The following PKD1L1 variants were observed in gnomAD, a reference collection of about 807,000 sequenced individuals.
PKD1L1 encodes the protein polycystin-1-like protein 1.
In PKD1L1, 236 loss-of-function variants were observed where a neutral mutation model predicts 323.4. The ratio of observed to expected loss-of-function variants is 0.73; its 90% CI spans 0.66 to 0.81. The LOEUF (loss-of-function observed/expected upper bound fraction) is 0.81, where lower values mean the gene tolerates loss of function less well. Among genes scored for constraint, PKD1L1 ranks in the 40% least tolerant of loss-of-function variants. The pLI, the probability that PKD1L1 is intolerant of heterozygous loss-of-function variation, is 0.00. For synonymous variants in PKD1L1, 1,344 were observed against 1,335.0 expected (o/e 1.01, Z -0.15); for missense variants, 3,320 against 3,508.0 (o/e 0.95, Z 1.35).
In PKD1L1 at chr7:47,876,042, G is replaced by A. The variant is rs1401359404; in HGVS notation, c.3784+55C>T. On this transcript the variant is annotated intron_variant, in intron 23 of 56. Transcript: ENST00000289672. ...TTAGTTTTTGAAAACCAGGAAAAAA[G>A]GTTTAGAACTGTAGGTTGGCACAGC... The A allele has an allele frequency of 3.2e-6, 5 of 1,579,240 alleles. No individual in the cohort carries two copies. In the Admixed American group the frequency reaches 7.2e-5, roughly 23 times the overall value.
At position 47,837,039 on chromosome 7, in the gene PKD1L1, A is replaced by C; in HGVS notation, c.5825T>G (p.Val1942Gly). ...YLEDFHVWLS[V>G]YSRPSSSRYL... is the part of the protein sequence containing the mutation. Reference sequence around the variant, plus strand: ...GCGGCTGGAGGAGGGCCTGCTGTACACCGACAGCCAGACATGGAAATCCTC... The same window carrying C: ...GCGGCTGGAGGAGGGCCTGCTGTACCCCGACAGCCAGACATGGAAATCCTC... Residue 1942 changes from valine to glycine, a missense_variant, in exon 37 of 57, where the codon GTG becomes GGG. Physicochemically the swap from Val to Gly is moderately radical, Grantham distance 109. Coordinates refer to ENST00000289672, the MANE Select transcript of PKD1L1 (RefSeq NM_138295.5). 1.2e-6 allele frequency: 2 copies of C among 1,614,122 alleles called. No individual in the cohort carries two copies. Among genetic ancestry groups the C allele is most frequent in the Non-Finnish European group, 1.7e-6 (2 of 1,180,024 alleles).
chr7:47,800,503 G>A lies in PKD1L1; in HGVS notation c.8193+146C>T, dbSNP rs73329487. On this transcript the variant is annotated intron_variant, in intron 54 of 56. Coordinates refer to ENST00000289672, the MANE Select transcript of PKD1L1 (RefSeq NM_138295.5). ...GTGTTTGACGGACCTGACCTCCCAG[G>A]GCAGGTGAGCTGGACGGCAGGGATT... is the stretch of plus-strand genomic sequence containing the variant. 5.2e-3 allele frequency: 4,200 copies of A among 813,274 alleles called. 149 individuals are homozygous for A. In the African/African-American group the frequency reaches 0.065, roughly 13 times the overall value. The allele number at this position is 813,274 out of a possible 1,614,324, so 50.4% of individuals were successfully genotyped here.
rs13235005 is a variant in PKD1L1 at position 47,861,895 on chromosome 7, A to C, written c.4150-3010T>G. Among the ~76,000 whole-genome samples, 164 of 127,282 alleles carry C rather than the reference A, an allele frequency of 1.3e-3. 1 individual carries two copies. Among genetic ancestry groups the C allele is most frequent in the African/African-American group, 1.6e-3 (52 of 33,302 alleles). 83.5% of individuals were successfully genotyped at this position (127,282 alleles called of 152,430 possible). Reference sequence around the variant, plus strand: ...GACTCTGTCTCAAAAAAAAAAAAAAAAAAAAAAAAAACAATTGGGCCAGGC... The same window carrying C: ...GACTCTGTCTCAAAAAAAAAAAAAACAAAAAAAAAAACAATTGGGCCAGGC... On this transcript the variant is annotated intron_variant, in intron 26 of 56. Coordinates refer to ENST00000289672, the MANE Select transcript of PKD1L1 (RefSeq NM_138295.5).
intron 56 of PKD1L1, among the ~76,000 whole-genome samples, chr7:47,788,723 G>A (rs903930078): frequency 3.3e-5 from 5 of 151,414 alleles, no homozygotes; most frequent in Non-Finnish European, 5.9e-5. Flanking sequence ...AGCCTTCCAA[G>A]TAGCTGGGAA....
chr7:47,898,303 C>G, intron 13 of PKD1L1, 109 bp from the exon 14 acceptor site: 1 of 896,838 alleles, frequency 1.1e-6, no homozygotes, highest in South Asian at 1.7e-5. Context: ...TATTTGTTTG[C>G]ATAGTGACAG....
chr7:47,857,881 A>T lies in PKD1L1; in HGVS notation c.4363-49T>A, dbSNP rs1251309916. 1.4e-5 allele frequency: 22 copies of T among 1,544,576 alleles called. No individual in the cohort carries two copies. The Admixed American group carries it at 3.7e-4, about 26-fold the overall frequency. ...GGGATGTTTATAACACAAATGCACAAACTGTCTTGAATCCAGACTAGGAGA... is the reference window on the plus strand; with the variant it reads ...GGGATGTTTATAACACAAATGCACATACTGTCTTGAATCCAGACTAGGAGA... On this transcript the variant is annotated intron_variant, in intron 27 of 56. Transcript: ENST00000289672.
intron 4 of PKD1L1, among the ~76,000 whole-genome samples, chr7:47,934,361 G>A (rs1391204749): frequency 6.6e-6 from 1 of 152,180 alleles, no homozygotes; most frequent in Non-Finnish European, 1.5e-5. Context: ...GGGGCTTGTG[G>A]TGCAGGGGTT....
At chr7:47,943,977 C>T (rs1478867723) in intron 1 of PKD1L1, among the ~76,000 whole-genome samples, 1 of 152,184 alleles carries the variant, frequency 6.6e-6, no homozygotes, top group Non-Finnish European at 1.5e-5. Context: ...AGCATGGAAC[C>T]CATGACCCTG....
At chr7:47,819,643 G>GA (rs760100256) in intron 46 of PKD1L1, 68,184 of 708,294 alleles carry the variant, frequency 0.096, 17 homozygotes, top group South Asian at 0.15. Flanking sequence ...ATGCTCAGCA[G>GA]AAAAAAAAAA....
chr7:47,937,833 G>A (rs2686825), intron 3 of PKD1L1, among the ~76,000 whole-genome samples: 78,231 of 151,858 alleles, frequency 0.52, 20,219 homozygotes, highest in Admixed American at 0.53. Context: ...GCAGGTGAGG[G>A]GTGCTGGGAG....
At chr7:47,862,364 C>A (rs1385951946) in intron 26 of PKD1L1, among the ~76,000 whole-genome samples, 1 of 152,038 alleles carries the variant, frequency 6.6e-6, no homozygotes, top group Non-Finnish European at 1.5e-5. Context: ...AGTGGAGCAG[C>A]CTGAGATGAG....
At chr7:47,794,870 G>A (rs1274988894) in intron 55 of PKD1L1, among the ~76,000 whole-genome samples, 1 of 152,180 alleles carries the variant, frequency 6.6e-6, no homozygotes, top group Non-Finnish European at 1.5e-5. Context: ...TGATTGACCT[G>A]TTGGATTTTG....
At position 47,885,983 on chromosome 7, in the gene PKD1L1, T is replaced by G. The variant is rs143538574; in HGVS notation, c.2908A>C (p.Asn970His). 1.3e-4 allele frequency: 215 copies of G among 1,614,132 alleles called. 1 individual carries two copies. The African/African-American group carries it at 1.7e-3, about 13-fold the overall frequency. The change falls in exon 18 of 57, where the codon AAC becomes CAC. Residue 970 changes from asparagine (N) to histidine (H), a missense_variant. By Grantham distance (68) the Asn-to-His change is moderately conservative (BLOSUM62 1). Coordinates refer to ENST00000289672, the MANE Select transcript of PKD1L1 (RefSeq NM_138295.5). ...LGAISESSQL[N>H]LLPTEPGTAD... is the part of the protein sequence containing the mutation. ...GTGCCAGGCTCAGTGGGCAGCAGGT[T>G]TAACTGTGATGACTCTGAAATGGCA... is the stretch of plus-strand genomic sequence containing the variant.
intron 4 of PKD1L1, 103 bp from the exon 5 acceptor site, chr7:47,932,159 T>C (rs1583684913): frequency 6.8e-7 from 1 of 1,480,508 alleles, no homozygotes; most frequent in Non-Finnish European, 9.0e-7. Flanking sequence ...CAGGCTTTGC[T>C]GGAAATTCCC....
At chr7:47,809,912 C>T (rs1193524122) in intron 50 of PKD1L1, 2 of 228,842 alleles carry the variant, frequency 8.7e-6, no homozygotes, top group Admixed American at 5.1e-5. Context: ...TTCCTTGGCA[C>T]TGCTCAAAAG....
In PKD1L1 at chr7:47,912,692, T is replaced by A. The variant is rs563731312; in HGVS notation, c.1228+2740A>T. Among the ~76,000 whole-genome samples the A allele has an allele frequency of 2.0e-5, 3 of 151,648 alleles. No homozygotes were observed. The East Asian group carries it at 5.8e-4, about 29-fold the overall frequency. On this transcript the variant is annotated intron_variant, in intron 8 of 56. Coordinates refer to ENST00000289672, the MANE Select transcript of PKD1L1 (RefSeq NM_138295.5). Reference sequence around the variant, plus strand: ...TCAGCCAGGCGTGGTGGTGTATGCCTGTAATCCTAGCTACCTGGGAGGCTG... The same window carrying A: ...TCAGCCAGGCGTGGTGGTGTATGCCAGTAATCCTAGCTACCTGGGAGGCTG...
the PKD1L1 span, among the ~76,000 whole-genome samples, chr7:47,959,701 G>A: frequency 7.2e-6 from 1 of 138,834 alleles, no homozygotes. Flanking sequence ...GGAGGTGGGG[G>A]GGTCAGCCCC....
chr7:47,818,186 G>T (rs1454304542), intron 46 of PKD1L1: 43 of 1,366,428 alleles, frequency 3.1e-5, no homozygotes, highest in Non-Finnish European at 4.2e-5. Context: ...ACAGAGATGG[G>T]AGGCATAAGG....
At chr7:47,827,567 T>G (rs1217130168) in intron 44 of PKD1L1, 99 bp from the exon 45 acceptor site, 1 of 989,362 alleles carries the variant, frequency 1.0e-6, no homozygotes, top group African/African-American at 1.6e-5. Context: ...ATTGCTGTGC[T>G]GTGCCTTCAG....
Sources: gnomAD v4.1 joint callset for allele counts (sites outside exome capture counted in the v4.1 genomes callset) on GRCh38, gnomAD v4.1.1 for gene constraint, MANE v1.5 for transcripts, NCBI Gene and HGNC (gene_info 2026-07-23, HGNC 2026-07-21) for gene names.